ZNF324B: variants seen among roughly 807,000 people sequenced by gnomAD.
ZNF324B encodes the protein zinc finger protein 324B.
Under a neutral mutation model 10.6 loss-of-function variants are expected in ZNF324B, and 7 were observed. The ratio of observed to expected loss-of-function variants is 0.66; its 90% CI spans 0.38 to 1.24. The LOEUF (loss-of-function observed/expected upper bound fraction) is 1.24. ZNF324B is among the 50% of genes most tolerant of loss of function. The pLI, the probability that ZNF324B is intolerant of heterozygous loss-of-function variation, is 0.02. For synonymous variants in ZNF324B, 316 were observed against 321.0 expected (o/e 0.98, Z 0.17); for missense variants, 640 against 764.7 (o/e 0.84, Z 1.92).
At chr19:58,434,353 C>T in the ZNF324B span, 34 of 1,614,046 alleles carry the variant, frequency 2.1e-5, no homozygotes, top group East Asian at 1.8e-4. Context: ...TTTCTCATGC[C>T]GAATGAGGTG....
At chr19:58,432,238 A>G in the ZNF324B span, 3 of 495,586 alleles carry the variant, frequency 6.1e-6, no homozygotes. Flanking sequence ...CTGGGGAGTG[A>G]TGGGTGCCAA....
In ZNF324B at chr19:58,454,281, C is replaced by A. The variant is rs761322816; in HGVS notation, c.175C>A (p.Pro59Thr). 2 of 1,614,120 alleles carry A rather than the reference C, an allele frequency of 1.2e-6. No individual in the cohort carries two copies. Among genetic ancestry groups the A allele is most frequent in the South Asian group, 2.2e-5 (2 of 91,082 alleles). The change falls in exon 3 of 4, where the codon CCC becomes ACC. Residue 59 changes from proline (P) to threonine (T), a missense_variant. By Grantham distance (38) the Pro-to-Thr change is conservative (BLOSUM62 -1). Coordinates refer to ENST00000336614, the MANE Select transcript of ZNF324B (RefSeq NM_207395.3). ...CATTCAACTTGAGCGTGGCGAGGAGCCCTGGGTTCCCAGTGGAAAGGACAT... is the reference window on the plus strand; with the variant it reads ...CATTCAACTTGAGCGTGGCGAGGAGACCTGGGTTCCCAGTGGAAAGGACAT... ...VVIQLERGEE[P>T]WVPSGKDMTL...
chr19:58,433,541 C>T, the ZNF324B span: 1 of 1,614,144 alleles, frequency 6.2e-7, no homozygotes, highest in Non-Finnish European at 8.5e-7. Flanking sequence ...CTGCTAAAGG[C>T]TCTCCCACAT....
At chr19:58,435,080 A>C in the ZNF324B span, 1 of 1,614,130 alleles carries the variant, frequency 6.2e-7, no homozygotes, top group Admixed American at 1.7e-5. Context: ...TCTTTCAAGA[A>C]TGGCCCACAC....
Position 58,451,688 on chromosome 19 carries a change from G to C in ZNF324B, c.-23G>C, listed in dbSNP as rs1455783201. The C allele has an allele frequency of 4.0e-6, 2 of 500,930 alleles. No homozygotes were observed. The highest frequency in any genetic ancestry group is 2.8e-5 in the South Asian group (2 of 70,710). 31.0% of individuals were successfully genotyped at this position (500,930 alleles called of 1,614,324 possible). A position where few individuals can be genotyped will look rare whatever the true frequency, so the allele number is the denominator to read the frequency against. On this transcript the variant is annotated 5_prime_UTR_variant, in exon 1 of 4. Transcript: ENST00000336614. ...CTGTGGCGCGCGGGTCGGGGCCCGA[G>C]GCGGGCGGCCAGGAAGGTACGGACC...
In ZNF324B at chr19:58,455,491, C is replaced by T. The variant is rs752300105; in HGVS notation, c.547C>T (p.Arg183Trp). 5.0e-6 allele frequency: 8 copies of T among 1,614,064 alleles called. No homozygotes were observed. The highest frequency in any genetic ancestry group is 4.4e-5 in the South Asian group (4 of 91,080). The change falls in exon 4 of 4, where the codon CGG (arginine) becomes TGG (tryptophan). Residue 183 changes from arginine (R) to tryptophan (W), a missense_variant. Coordinates refer to ENST00000336614, the MANE Select transcript of ZNF324B (RefSeq NM_207395.3). The surrounding 1 kb of genome is among the most constrained non-coding windows in gnomAD (Gnocchi z 7.0). ...RPREKTFTEY[R>W]VPGRQPRTPE... ...CAGGGAAAAGACCTTCACAGAGTAC[C>T]GGGTGCCTGGGAGGCAGCCCAGGAC...
rs938685003 is a variant in ZNF324B at position 58,454,347 on chromosome 19, G to T, written c.238+3G>T. 1 of 1,603,040 alleles carries T rather than the reference G, an allele frequency of 6.2e-7. No homozygotes were observed. The highest frequency in any genetic ancestry group is 8.5e-7 in the Non-Finnish European group (1 of 1,169,880). On this transcript the variant is annotated splice_donor_region_variant and intron_variant, in intron 3 of 3. Transcript: ENST00000336614. Reference sequence around the variant, plus strand: ...CACCTACGGGAGGCTCAACTCTGGTGAGTGGGAGCTCAGGTGGGGTGAACT... The same window carrying T: ...CACCTACGGGAGGCTCAACTCTGGTTAGTGGGAGCTCAGGTGGGGTGAACT...
At chr19:58,427,443 CTTTCCT>C in the ZNF324B span, among the ~76,000 whole-genome samples, 2 of 75,456 alleles carry the variant, frequency 2.7e-5, no homozygotes, top group African/African-American at 8.9e-5. Context: ...TCCTTCCTTC[CTTTCCT>C]TTCCCTTCCT....
chr19:58,434,374 C>G, the ZNF324B span: 2 of 1,614,258 alleles, frequency 1.2e-6, no homozygotes, highest in Admixed American at 1.7e-5. Flanking sequence ...TGATCTGTTA[C>G]TGAAGGCTTT....
the ZNF324B span, chr19:58,439,807 G>C: frequency 6.5e-7 from 1 of 1,544,648 alleles, no homozygotes; most frequent in Non-Finnish European, 8.7e-7. Context: ...GAACCTGTGG[G>C]CTGGGCAGGG....
the ZNF324B span, chr19:58,429,599 T>A: frequency 4.6e-5 from 7 of 152,348 alleles, no homozygotes; most frequent in East Asian, 1.4e-3. Context: ...TCTCCTGACC[T>A]CATGATCTGC....
the ZNF324B span, chr19:58,442,158 G>GTTTTTTTTTTTTTTTT: frequency 1.2e-5 from 1 of 82,982 alleles, no homozygotes; most frequent in Non-Finnish European, 2.3e-5. Context: ...GAGTGTTACA[G>GTTTTTTTTTTTTTTTT]TTCTTTTTTT....
At chr19:58,426,653 T>C in the ZNF324B span, among the ~76,000 whole-genome samples, 1 of 152,160 alleles carries the variant, frequency 6.6e-6, no homozygotes, top group Non-Finnish European at 1.5e-5. Context: ...AATCAACAGA[T>C]GCTGACACTA....
chr19:58,435,077 AG>A, the ZNF324B span: 1 of 1,614,138 alleles, frequency 6.2e-7, no homozygotes, highest in Non-Finnish European at 8.5e-7. Context: ...ATGTCTTTCA[AG>A]AATGGCCCAC....
the ZNF324B span, among the ~76,000 whole-genome samples, chr19:58,422,980 C>T: frequency 6.6e-6 from 1 of 151,920 alleles, no homozygotes; most frequent in Admixed American, 6.6e-5. Context: ...CACCATTCTT[C>T]TGCCTCGGCC....
chr19:58,427,452 CCCTTCCTT>C, the ZNF324B span, among the ~76,000 whole-genome samples: 98 of 47,060 alleles, frequency 2.1e-3, 13 homozygotes, highest in African/African-American at 9.7e-3. Flanking sequence ...CCTTTCCTTT[CCCTTCCTT>C]CCTTCCTTCC....
the ZNF324B span, chr19:58,436,354 T>C: frequency 1.3e-5 from 2 of 154,696 alleles, no homozygotes; most frequent in Non-Finnish European, 2.9e-5. Context: ...TTTATCTTAA[T>C]AAAGCTGTTT....
chr19:58,445,386 T>C, the ZNF324B span: 1 of 517,588 alleles, frequency 1.9e-6, no homozygotes, highest in Non-Finnish European at 3.9e-6. Context: ...GGAAAAACCC[T>C]CTATGAGTGC....
At position 58,456,528 on chromosome 19, in the gene ZNF324B, G is replaced by A; in HGVS notation, c.1584G>A (p.Lys528=). 1.2e-6 allele frequency: 2 copies of A among 1,614,214 alleles called. No individual in the cohort carries two copies. Among genetic ancestry groups the A allele is most frequent in the Non-Finnish European group, 1.7e-6 (2 of 1,180,032 alleles). Residue 528 remains lysine (K), a synonymous_variant, in exon 4 of 4, where the codon AAG becomes AAA. Coordinates refer to ENST00000336614, the MANE Select transcript of ZNF324B (RefSeq NM_207395.3). This position sits in a 1 kb window ranked among gnomAD's most constrained non-coding sequence, Gnocchi z 4.7. ...GPGFLQGHHR[K]VRRGGKPSPV... The stretch of plus-strand genomic sequence containing the variant: ...GTTTCCTTCAGGGACATCATCGGAA[G>A]GTGCGCCGGGGAGGGAAGCCAAGCC...
Sources: gnomAD v4.1 joint callset for allele counts (sites outside exome capture counted in the v4.1 genomes callset) on GRCh38, gnomAD v4.1.1 for gene constraint, Gnocchi (gnomAD v3.1) non-coding constraint, MANE v1.5 for transcripts, NCBI Gene and HGNC (gene_info 2026-07-23, HGNC 2026-07-21) for gene names.